GMEB2: variants seen among roughly 807,000 people sequenced by gnomAD.
The protein encoded by GMEB2 is glucocorticoid modulatory element binding protein 2.
GMEB2 carries 7 observed loss-of-function variants against 45.7 expected under a neutral mutation model. The observed-to-expected ratio is 0.15, with a 90% CI of 0.09 to 0.29. The LOEUF (loss-of-function observed/expected upper bound fraction) is 0.29, where lower values mean the gene tolerates loss of function less well. Ranked by LOEUF, GMEB2 falls within the 10% of genes least tolerant of loss-of-function variation. GMEB2 has a pLI of 1.00. For missense variants in GMEB2, 582 were observed against 739.2 expected (o/e 0.79, Z 2.47); for synonymous variants, 322 against 323.6 (o/e 1.00, Z 0.05).
Position 63,592,627 on chromosome 20 carries a change from C to T in GMEB2, c.735G>A (p.Leu245=). The T allele has an allele frequency of 1.9e-6, 3 of 1,612,358 alleles. No homozygotes were observed. Among genetic ancestry groups the T allele is most frequent in the Non-Finnish European group, 2.5e-6 (3 of 1,178,416 alleles). The change falls in exon 8 of 10, where the codon CTG becomes CTA. Residue 245 remains leucine, a synonymous_variant. Coordinates refer to ENST00000370077, the MANE Select transcript of GMEB2 (RefSeq NM_012384.5). This position sits in a 1 kb window ranked among gnomAD's most constrained non-coding sequence, Gnocchi z 8.2. ...GGAACTCCTGGATGACCTCGTCCAG[C>T]AGGCCGGCGTCCTTCAGCCCCCGCC... ...TFWRGLKDAG[L]LDEVIQEFHQ...
Position 63,592,908 on chromosome 20 carries a change from C to T in GMEB2, c.691+103G>A, listed in dbSNP as rs1168876198. On this transcript the variant is annotated intron_variant, in intron 7 of 9. Coordinates refer to ENST00000370077, the MANE Select transcript of GMEB2 (RefSeq NM_012384.5). This position sits in a 1 kb window ranked among gnomAD's most constrained non-coding sequence, Gnocchi z 8.2. ...AGGCCTTTCTCCACAAAGACCCTGC[C>T]GGCCCCACCTGGACTCCTGGAGCCC... is the stretch of plus-strand genomic sequence containing the variant. 9 of 794,446 alleles carry T rather than the reference C, an allele frequency of 1.1e-5. No homozygotes were observed. The East Asian group carries it at 1.3e-4, about 12-fold the overall frequency. The allele number at this position is 794,446 out of a possible 1,614,324, so 49.2% of individuals were successfully genotyped here.
rs1957858999 is a variant in GMEB2 at position 63,589,817 on chromosome 20, A to G, written c.*272T>C. ...GGCTCCTGATCAAGGCCCAATGTGTAAACAGTATTAATAAGCAACAGATGG... is the reference window on the plus strand; with the variant it reads ...GGCTCCTGATCAAGGCCCAATGTGTGAACAGTATTAATAAGCAACAGATGG... On this transcript the variant is annotated 3_prime_UTR_variant, in exon 10 of 10. Coordinates refer to ENST00000370077, the MANE Select transcript of GMEB2 (RefSeq NM_012384.5). The G allele has an allele frequency of 2.8e-6, 1 of 357,182 alleles. No homozygotes were observed. Among genetic ancestry groups the G allele is most frequent in the South Asian group, 1.1e-4 (1 of 9,314 alleles). 22.1% of individuals were successfully genotyped at this position (357,182 alleles called of 1,614,324 possible).
chr20:63,601,311 C>T (rs2083239880), intron 4 of GMEB2, among the ~76,000 whole-genome samples: 1 of 152,154 alleles, frequency 6.6e-6, no homozygotes, highest in African/African-American at 2.4e-5. Context: ...CACTCTTTCT[C>T]AGTTATGAAA....
rs1433626635 is a variant in GMEB2, at chr20:63,619,427, C to A, written c.-30G>T. Reference sequence around the variant, plus strand: ...CAGCGGAAGGGGACGCCCAGGCCAGCAGCGTCAGTCCTCCAGGGTCCCAAG... The same window carrying A: ...CAGCGGAAGGGGACGCCCAGGCCAGAAGCGTCAGTCCTCCAGGGTCCCAAG... On this transcript the variant is annotated 5_prime_UTR_variant, in exon 2 of 10. Transcript: ENST00000370077. The surrounding 1 kb of genome is among the most constrained non-coding windows in gnomAD (Gnocchi z 4.6). 1.2e-6 allele frequency: 2 copies of A among 1,601,942 alleles called. No homozygotes were observed. The highest frequency in any genetic ancestry group is 2.2e-5 in the South Asian group (2 of 90,560).
At chr20:63,610,190 T>C (rs2089558325) in intron 2 of GMEB2, among the ~76,000 whole-genome samples, 1 of 152,244 alleles carries the variant, frequency 6.6e-6, no homozygotes, top group African/African-American at 2.4e-5. Flanking sequence ...AACTGTATGA[T>C]GTGTGCACTT....
intron 2 of GMEB2, among the ~76,000 whole-genome samples, chr20:63,612,644 C>G (rs1247286551): frequency 6.6e-6 from 1 of 152,214 alleles, no homozygotes; most frequent in African/African-American, 2.4e-5. Flanking sequence ...CAGAAGTGAG[C>G]AGGAGGCCCA....
chr20:63,605,742 G>GTC (rs1324737395), intron 2 of GMEB2, among the ~76,000 whole-genome samples: 1 of 151,888 alleles, frequency 6.6e-6, no homozygotes, highest in East Asian at 1.9e-4. Flanking sequence ...ATCACTTGAG[G>GTC]TCAGGAGTTC....
intron 1 of GMEB2, among the ~76,000 whole-genome samples, chr20:63,625,661 C>CA (rs2089666212): frequency 6.6e-6 from 1 of 151,790 alleles, no homozygotes; most frequent in African/African-American, 2.4e-5. Context: ...GCAATGGCAC[C>CA]ATCTCCACTC....
At position 63,589,367 on chromosome 20, in the gene GMEB2, C is replaced by G; in HGVS notation, c.*722G>C. Reference sequence around the variant, plus strand: ...CTATAAATCTGACTCTTCCTAGAAGCCTACTAAGCAATTCACTTAAAAACA... The same window carrying G: ...CTATAAATCTGACTCTTCCTAGAAGGCTACTAAGCAATTCACTTAAAAACA... On this transcript the variant is annotated 3_prime_UTR_variant, in exon 10 of 10. Coordinates refer to ENST00000370077, the MANE Select transcript of GMEB2 (RefSeq NM_012384.5). The G allele has an allele frequency of 2.5e-6, 1 of 397,380 alleles. No individual in the cohort carries two copies. Among genetic ancestry groups the G allele is most frequent in the Non-Finnish European group, 4.4e-6 (1 of 225,532 alleles). The allele number at this position is 397,380 out of a possible 1,614,324, so 24.6% of individuals were successfully genotyped here.
chr20:63,595,915 CCT>C, intron 5 of GMEB2, 148 bp from the exon 6 acceptor site: 1 of 665,618 alleles, frequency 1.5e-6, no homozygotes, highest in South Asian at 1.8e-5. Context: ...GCTCTACTTC[CCT>C]CTTAGCGCGA....
At chr20:63,625,008 CA>C (rs1184737423) in intron 1 of GMEB2, among the ~76,000 whole-genome samples, 1 of 151,934 alleles carries the variant, frequency 6.6e-6, no homozygotes, top group Non-Finnish European at 1.5e-5. Flanking sequence ...GCCTGGCCTC[CA>C]ATGGCAACTA....
In GMEB2 at chr20:63,589,471, CG is replaced by C. The variant is rs760597727; in HGVS notation, c.*617del. The C allele has an allele frequency of 6.7e-5, 21 of 315,402 alleles. No individual in the cohort carries two copies. The highest frequency in any genetic ancestry group is 1.1e-4 in the Non-Finnish European group (19 of 173,320). 19.5% of individuals were successfully genotyped at this position (315,402 alleles called of 1,614,324 possible). ...GGGCCACCTGAGCACCGGCTGGGGGCGGGGGAGGCAGGCACCCATCAGGATC... is the reference window on the plus strand; with the variant it reads ...GGGCCACCTGAGCACCGGCTGGGGGCGGGGAGGCAGGCACCCATCAGGATC... On this transcript the variant is annotated 3_prime_UTR_variant, in exon 10 of 10. Coordinates refer to ENST00000370077, the MANE Select transcript of GMEB2 (RefSeq NM_012384.5).
intron 1 of GMEB2, among the ~76,000 whole-genome samples, chr20:63,621,090 C>T (rs1265499021): frequency 6.6e-6 from 1 of 152,202 alleles, no homozygotes; most frequent in Admixed American, 6.5e-5. Context: ...CTCAGCTACT[C>T]GGAAGGCGGG....
rs1569051169 is a variant in GMEB2 at position 63,599,784 on chromosome 20, C to CAGGGA, written c.358-1925_358-1924insTCCCT. ...CAGGATAGTCCAGGGAGCTCTCACACGTGCGTTCCGGACTCACTGCCTGCT... is the reference window on the plus strand; with the variant it reads ...CAGGATAGTCCAGGGAGCTCTCACACAGGGAGTGCGTTCCGGACTCACTGCCTGCT... On this transcript the variant is annotated intron_variant, in intron 4 of 9. Transcript: ENST00000370077. 1.4e-4 allele frequency among the ~76,000 whole-genome samples: 21 copies of CAGGGA among 152,316 alleles called. 2 individuals are homozygous for CAGGGA. The South Asian group carries it at 2.7e-3, about 20-fold the overall frequency.
chr20:63,616,323 A>G (rs2089608226), intron 2 of GMEB2, among the ~76,000 whole-genome samples: 1 of 152,232 alleles, frequency 6.6e-6, no homozygotes, highest in Non-Finnish European at 1.5e-5. Flanking sequence ...ACACACCTAT[A>G]GTGCCAGCTA....
In GMEB2 at chr20:63,592,194, A is replaced by G; in HGVS notation, c.830-50T>C. On this transcript the variant is annotated intron_variant, in intron 8 of 9. Transcript: ENST00000370077. The surrounding 1 kb of genome is among the most constrained non-coding windows in gnomAD (Gnocchi z 8.2). ...GTGAGAGCCCAAGCCCTTCCTAGAG[A>G]GCCACGCGGACGCTCGGTGAGAGCC... is the stretch of plus-strand genomic sequence containing the variant. The G allele has an allele frequency of 1.3e-6, 2 of 1,576,348 alleles. No individual in the cohort carries two copies. Among genetic ancestry groups the G allele is most frequent in the Non-Finnish European group, 1.7e-6 (2 of 1,157,738 alleles).
At chr20:63,601,898 C>A (rs972343060) in intron 4 of GMEB2, among the ~76,000 whole-genome samples, 7 of 149,604 alleles carry the variant, frequency 4.7e-5, no homozygotes, top group African/African-American at 1.7e-4. Context: ...TTCCGTGGGG[C>A]CTGTGGCTTC....
At chr20:63,602,073 CACT>C (rs1479262245) in intron 4 of GMEB2, among the ~76,000 whole-genome samples, 1 of 152,238 alleles carries the variant, frequency 6.6e-6, no homozygotes, top group African/African-American at 2.4e-5. Context: ...GCTCCAGGAG[CACT>C]ACTTCTTGTG....
At chr20:63,610,743 C>T (rs1204253828) in intron 2 of GMEB2, among the ~76,000 whole-genome samples, 5 of 152,248 alleles carry the variant, frequency 3.3e-5, no homozygotes, top group African/African-American at 1.2e-4. Flanking sequence ...AGAGCCTTGG[C>T]GTCCTGGCAA....
Sources: allele counts gnomAD v4.1 joint callset (sites outside exome capture counted in the v4.1 genomes callset), GRCh38; gene constraint gnomAD v4.1.1; non-coding constraint Gnocchi (gnomAD v3.1); transcripts MANE v1.5; gene names NCBI Gene and HGNC (gene_info 2026-07-23, HGNC 2026-07-21).